RNF144A: variants seen among roughly 807,000 people sequenced by gnomAD.
RNF144A encodes E3 ubiquitin-protein ligase RNF144A.
RNF144A carries 11 observed loss-of-function variants against 38.7 expected under a neutral mutation model. The ratio of observed to expected loss-of-function variants is 0.28; its 90% confidence interval spans 0.18 to 0.47. The LOEUF (loss-of-function observed/expected upper bound fraction) is 0.47. Ranked by LOEUF, RNF144A falls within the 20% of genes least tolerant of loss-of-function variation. The pLI is 0.99. For synonymous variants in RNF144A, 149 were observed against 143.9 expected, an observed-to-expected ratio of 1.04 and a Z score of -0.25; for missense variants, 316 against 377.2, an observed-to-expected ratio of 0.84 and a Z score of 1.34.
chr2:7,050,284 T>G (rs1348354667), intron 6 of RNF144A, among the ~76,000 whole-genome samples: 1 of 152,194 alleles, frequency 6.6e-6, no homozygotes, highest in Admixed American at 6.5e-5. Flanking sequence ...TCAGGAGATC[T>G]TATGGTTTTA....
intron 3 of RNF144A, among the ~76,000 whole-genome samples, chr2:7,003,003 TAAA>T (rs1271645323): frequency 3.3e-5 from 5 of 151,710 alleles, no homozygotes; most frequent in Non-Finnish European, 7.4e-5. Flanking sequence ...TTAAAAAAAA[TAAA>T]AAAATTTACA....
At position 7,012,938 on chromosome 2, in the gene RNF144A, C is replaced by G. The variant is rs114527686; in HGVS notation, c.136-1516C>G. Among the ~76,000 whole-genome samples, 1,504 of 152,266 alleles carry G rather than the reference C, an allele frequency of 9.9e-3. 38 individuals carry two copies. Among genetic ancestry groups the G allele is most frequent in the African/African-American group, 0.034 (1,414 of 41,544 alleles). On this transcript the variant is annotated intron_variant, in intron 3 of 8. Coordinates refer to ENST00000320892, the MANE Select transcript of RNF144A (RefSeq NM_014746.6). ...AGAGCCCAGGCAGATCAAAAGAACACAGGCTGGAACACAGGGTTCAGTGTG... is the reference window on the plus strand; with the variant it reads ...AGAGCCCAGGCAGATCAAAAGAACAGAGGCTGGAACACAGGGTTCAGTGTG...
chr2:6,930,245 T>A (rs536234798), intron 1 of RNF144A, among the ~76,000 whole-genome samples: 3 of 152,174 alleles, frequency 2.0e-5, no homozygotes, highest in South Asian at 2.1e-4. Flanking sequence ...ATGGGAAATG[T>A]TTATATTATT....
intron 2 of RNF144A, among the ~76,000 whole-genome samples, chr2:6,994,966 G>A (rs1469495834): frequency 6.6e-6 from 1 of 152,104 alleles, no homozygotes; most frequent in South Asian, 2.1e-4. Flanking sequence ...CATGTCCTTC[G>A]TCATGTGTCA....
At chr2:6,932,783 TACTC>T (rs536378583) in intron 1 of RNF144A, among the ~76,000 whole-genome samples, 222 of 152,302 alleles carry the variant, frequency 1.5e-3, no homozygotes, top group African/African-American at 4.9e-3. Flanking sequence ...TTTTAAACAA[TACTC>T]AATCAATTGA....
chr2:6,987,980 A>G (rs1392627800), intron 2 of RNF144A, among the ~76,000 whole-genome samples: 1 of 152,222 alleles, frequency 6.6e-6, no homozygotes, highest in East Asian at 1.9e-4. Context: ...ATTCATTAGC[A>G]TACCAAAAAC....
chr2:6,988,411 C>T (rs1669090034), intron 2 of RNF144A, among the ~76,000 whole-genome samples: 1 of 152,206 alleles, frequency 6.6e-6, no homozygotes, highest in Non-Finnish European at 1.5e-5. Context: ...TTAGAGTCCT[C>T]TCCACTGGGA....
chr2:6,928,152 T>C (rs1327943058), intron 1 of RNF144A, among the ~76,000 whole-genome samples: 1 of 152,248 alleles, frequency 6.6e-6, no homozygotes, highest in Non-Finnish European at 1.5e-5. Context: ...ACTCAACTGT[T>C]CAACCAGCTC....
chr2:6,993,945 T>C (rs1669558256), intron 2 of RNF144A, among the ~76,000 whole-genome samples: 3 of 152,090 alleles, frequency 2.0e-5, no homozygotes, highest in Admixed American at 6.5e-5. Flanking sequence ...TCTTCCCAAG[T>C]CTACATGAGT....
intron 2 of RNF144A, among the ~76,000 whole-genome samples, chr2:6,985,953 C>T (rs963902243): frequency 6.6e-6 from 1 of 152,176 alleles, no homozygotes; most frequent in African/African-American, 2.4e-5. Context: ...GGATTACAGG[C>T]GTGAGCCACT....
chr2:7,060,934 G>A (rs1315684208), intron 6 of RNF144A, among the ~76,000 whole-genome samples: 1 of 152,186 alleles, frequency 6.6e-6, no homozygotes, highest in African/African-American at 2.4e-5. Context: ...TTCCTTGAGA[G>A]GAGATGGGAC....
chr2:6,998,860 C>G (rs1314266833), intron 3 of RNF144A, among the ~76,000 whole-genome samples: 2 of 150,430 alleles, frequency 1.3e-5, no homozygotes, highest in East Asian at 2.0e-4. Flanking sequence ...CCCAACTGAT[C>G]GAATGGCTCC....
intron 8 of RNF144A, among the ~76,000 whole-genome samples, chr2:7,035,499 AC>A (rs1287411158): frequency 6.6e-6 from 1 of 152,122 alleles, no homozygotes; most frequent in African/African-American, 2.4e-5. Flanking sequence ...CAGCTGGGCC[AC>A]CCTCTGTCAC....
Position 6,996,771 on chromosome 2 carries a change from C to A in RNF144A, c.-11-145C>A, listed in dbSNP as rs181949655. On this transcript the variant is annotated intron_variant, in intron 2 of 8. Coordinates refer to ENST00000320892, the MANE Select transcript of RNF144A (RefSeq NM_014746.6). ...CCATCTCAAAAAAAACCAAAAAATT[C>A]TCAGAACATCCAGATGCTCTAGGCT... 511 of 802,056 alleles carry A rather than the reference C, an allele frequency of 6.4e-4. 6 individuals are homozygous for A. The African/African-American group carries it at 8.0e-3, about 13-fold the overall frequency. The allele number at this position is 802,056 out of a possible 1,614,324, so 49.7% of individuals were successfully genotyped here.
intron 6 of RNF144A, among the ~76,000 whole-genome samples, chr2:7,023,564 A>T (rs183257808): frequency 6.6e-5 from 10 of 152,320 alleles, no homozygotes; most frequent in African/African-American, 2.4e-4. Context: ...ATTCCTTCAG[A>T]TGCTTTTCTG....
intron 2 of RNF144A, among the ~76,000 whole-genome samples, chr2:6,945,815 G>C (rs1203630028): frequency 6.6e-6 from 1 of 152,066 alleles, no homozygotes; most frequent in Non-Finnish European, 1.5e-5. Flanking sequence ...ATGAGAAATG[G>C]ATGCTGACTG....
At chr2:6,979,452 C>G (rs549579475) in intron 2 of RNF144A, among the ~76,000 whole-genome samples, 2 of 152,250 alleles carry the variant, frequency 1.3e-5, no homozygotes, top group South Asian at 2.1e-4. Flanking sequence ...ATTGTTAAAC[C>G]AAAGACCTGT....
the RNF144A span, among the ~76,000 whole-genome samples, chr2:7,075,286 C>T: frequency 2.6e-5 from 4 of 151,470 alleles, no homozygotes; most frequent in African/African-American, 9.7e-5. Context: ...GAACATCCCC[C>T]CCCCCACACA....
intron 8 of RNF144A, among the ~76,000 whole-genome samples, chr2:7,034,300 C>T (rs1227547896): frequency 6.6e-6 from 1 of 150,936 alleles, no homozygotes; most frequent in Non-Finnish European, 1.5e-5. Flanking sequence ...CACAAAAGTG[C>T]GGTGAGACTT....
Sources: gnomAD v4.1 joint callset for allele counts (sites outside exome capture counted in the v4.1 genomes callset) on GRCh38, gnomAD v4.1.1 for gene constraint, MANE v1.5 for transcripts, NCBI Gene and HGNC (gene_info 2026-07-23, HGNC 2026-07-21) for gene names.